The following CCDC158 variants were observed in gnomAD, a reference collection of about 807,000 sequenced individuals.
The protein encoded by CCDC158 is coiled-coil domain containing 158.
A neutral mutation model predicts 138.6 loss-of-function variants in CCDC158; 116 were observed. That is an observed-to-expected ratio of 0.84 (90% CI 0.72 to 0.98). CCDC158 has a LOEUF of 0.98. Among genes scored for constraint, CCDC158 ranks in the 50% least tolerant of loss-of-function variants. The pLI, the probability that CCDC158 is intolerant of heterozygous loss-of-function variation, is 0.00. For synonymous variants in CCDC158, 436 were observed against 442.4 expected (o/e 0.99, Z 0.18); for missense variants, 1,265 against 1,306.1 (o/e 0.97, Z 0.48).
chr4:76,325,237 T>C (rs762345428), intron 23 of CCDC158, among the ~76,000 whole-genome samples: 2 of 152,232 alleles, frequency 1.3e-5, no homozygotes, highest in Non-Finnish European at 2.9e-5. Flanking sequence ...AATAACTTGA[T>C]GATAATACAA....
intron 24 of CCDC158, among the ~76,000 whole-genome samples, chr4:76,322,969 T>A (rs547174790): frequency 4.6e-5 from 7 of 152,332 alleles, no homozygotes; most frequent in African/African-American, 1.4e-4. Flanking sequence ...TATAAATGTT[T>A]ATCTATAGAC....
intron 14 of CCDC158, among the ~76,000 whole-genome samples, chr4:76,355,931 G>A (rs1027929770): frequency 6.6e-6 from 1 of 151,924 alleles, no homozygotes; most frequent in Non-Finnish European, 1.5e-5. Flanking sequence ...GACATCTAGT[G>A]TATCTTTTAA....
intron 3 of CCDC158, chr4:76,401,395 T>C (rs920888570): frequency 1.2e-5 from 6 of 491,644 alleles, no homozygotes; most frequent in Non-Finnish European, 2.4e-5. Context: ...AGAGTGGCTA[T>C]GGTAGGCAGA....
At chr4:76,386,483 T>C (rs1408345800) in intron 4 of CCDC158, among the ~76,000 whole-genome samples, 2 of 152,212 alleles carry the variant, frequency 1.3e-5, no homozygotes, top group Non-Finnish European at 2.9e-5. Flanking sequence ...CTCCCAAAAA[T>C]TCAGTAATGG....
At chr4:76,415,261 G>C (rs1406994035) in intron 1 of CCDC158, among the ~76,000 whole-genome samples, 1 of 152,148 alleles carries the variant, frequency 6.6e-6, no homozygotes, top group Non-Finnish European at 1.5e-5. Flanking sequence ...TAGGGTATCT[G>C]GCAGGATAAA....
chr4:76,316,003 C>T (rs1719352521), intron 24 of CCDC158, among the ~76,000 whole-genome samples: 1 of 152,072 alleles, frequency 6.6e-6, no homozygotes, highest in African/African-American at 2.4e-5. Context: ...AATAGTTTAC[C>T]CAAATCAGAA....
At chr4:76,321,404 C>T (rs890547279) in intron 24 of CCDC158, among the ~76,000 whole-genome samples, 2 of 151,832 alleles carry the variant, frequency 1.3e-5, no homozygotes, top group Admixed American at 1.3e-4. Flanking sequence ...ATGCAGTAAT[C>T]CCACTACTGG....
intron 18 of CCDC158, among the ~76,000 whole-genome samples, chr4:76,342,568 T>C (rs762948686): frequency 3.3e-5 from 5 of 152,086 alleles, no homozygotes; most frequent in Non-Finnish European, 7.3e-5. Flanking sequence ...TAAAGATAAA[T>C]AATAAATGAA....
intron 16 of CCDC158, 81 bp downstream of exon 16, chr4:76,353,042 T>C (rs1723198455): frequency 6.8e-6 from 8 of 1,182,726 alleles, no homozygotes; most frequent in East Asian, 4.9e-5. Context: ...CCTGTCTACA[T>C]AGAGCTTTTG....
At chr4:76,344,057 T>C (rs546914123) in intron 18 of CCDC158, among the ~76,000 whole-genome samples, 49 of 152,246 alleles carry the variant, frequency 3.2e-4, no homozygotes, top group Non-Finnish European at 5.4e-4. Flanking sequence ...AGAGAAGAAG[T>C]GAAATTGTCT....
chr4:76,325,385 T>G (rs1027832036), intron 23 of CCDC158, among the ~76,000 whole-genome samples: 5 of 152,212 alleles, frequency 3.3e-5, no homozygotes, highest in African/African-American at 1.2e-4. Flanking sequence ...TACCAGGCAT[T>G]TATTCTAAAT....
intron 9 of CCDC158, chr4:76,375,203 T>A (rs1725601133): frequency 4.3e-6 from 1 of 231,890 alleles, no homozygotes; most frequent in Admixed American, 5.6e-5. Flanking sequence ...TTTCTTTTAT[T>A]TTTACGTAGT....
intron 8 of CCDC158, 54 bp downstream of exon 8, chr4:76,382,556 G>A (rs1726365590): frequency 2.8e-6 from 3 of 1,078,394 alleles, no homozygotes; most frequent in South Asian, 1.4e-5. Context: ...GAAAGTTAAT[G>A]AGAATAATAT....
chr4:76,369,713 T>C, intron 10 of CCDC158, 90 bp from the exon 11 acceptor site: 5 of 1,162,192 alleles, frequency 4.3e-6, no homozygotes, highest in Non-Finnish European at 4.8e-6. Context: ...GGAGTTTTTA[T>C]GTGATTTCAG....
intron 18 of CCDC158, among the ~76,000 whole-genome samples, chr4:76,347,957 G>A (rs1722717297): frequency 6.6e-6 from 1 of 152,102 alleles, no homozygotes; most frequent in Non-Finnish European, 1.5e-5. Flanking sequence ...ATATCTTAGA[G>A]TGGGCAATTT....
At chr4:76,316,851 C>T (rs1426531618) in intron 24 of CCDC158, among the ~76,000 whole-genome samples, 8 of 128,864 alleles carry the variant, frequency 6.2e-5, no homozygotes, top group Non-Finnish European at 6.3e-5. Context: ...ATTTTGTATC[C>T]AGCAAAACTA....
rs533783237 is a variant in CCDC158 at position 76,328,455 on chromosome 4, T to C, written c.3010+445A>G. On this transcript the variant is annotated intron_variant, in intron 22 of 24. Coordinates refer to ENST00000682701, the MANE Select transcript of CCDC158 (RefSeq NM_001394954.1). ...GAAAATCGTGATTTTTATTTTATTT[T>C]AATTTACTTTTAGAGACAGGGTTTC... 6.8e-4 allele frequency among the ~76,000 whole-genome samples: 103 copies of C among 152,352 alleles called. No individual in the cohort carries two copies. In the Middle Eastern group the frequency reaches 0.01, roughly 15 times the overall value.
chr4:76,371,516 C>A lies in CCDC158; in HGVS notation c.1050G>T (p.Gln350His). The A allele has an allele frequency of 6.2e-7, 1 of 1,614,152 alleles. No homozygotes were observed. ...YEDKTEELEK[Q>H]LVLANSELTE... is the part of the protein sequence containing the mutation. Reference sequence around the variant, plus strand: ...TTAGCTCTGAGTTGGCAAGGACTAACTGCTTTTCCAGCTCTTCTGTCTGAA... The same window carrying A: ...TTAGCTCTGAGTTGGCAAGGACTAAATGCTTTTCCAGCTCTTCTGTCTGAA... The change falls in exon 10 of 25, where the codon CAG becomes CAT. Residue 350 changes from glutamine to histidine, a missense_variant. Gln to His is a conservative substitution (Grantham distance 24, BLOSUM62 0). Transcript: ENST00000682701.
chr4:76,399,379 G>A (rs1398932282), intron 3 of CCDC158, among the ~76,000 whole-genome samples: 1 of 152,116 alleles, frequency 6.6e-6, no homozygotes, highest in Non-Finnish European at 1.5e-5. Flanking sequence ...TAGGTGATGG[G>A]TTGATAGGTG....
Sources: allele counts gnomAD v4.1 joint callset (sites outside exome capture counted in the v4.1 genomes callset), GRCh38; gene constraint gnomAD v4.1.1; transcripts MANE v1.5; gene names NCBI Gene and HGNC (gene_info 2026-07-23, HGNC 2026-07-21).